Variants in SORCS3 observed in about 807,000 individuals in gnomAD.
SORCS3 encodes the protein sortilin related VPS10 domain containing receptor 3.
In SORCS3, 57 loss-of-function variants were observed where a neutral mutation model predicts 146.3. That is an observed-to-expected ratio of 0.39 (90% CI 0.31 to 0.49). The LOEUF is 0.49. SORCS3 is among the 20% of genes least tolerant of loss of function. The pLI, the probability that SORCS3 is intolerant of heterozygous loss-of-function variation, is 0.92. For missense variants in SORCS3, 1,341 were observed against 1,575.5 expected, an observed-to-expected ratio of 0.85 and a Z score of 2.52; for synonymous variants, 653 against 618.5, an observed-to-expected ratio of 1.06 and a Z score of -0.83.
At chr10:104,735,456 G>GTTTTTTTTTT (rs56203751) in intron 1 of SORCS3, among the ~76,000 whole-genome samples, 541 of 34,952 alleles carry the variant, frequency 0.015, 97 homozygotes, top group African/African-American at 0.023. Flanking sequence ...CTCACCGTCT[G>GTTTTTTTTTT]TTTTTTTTTT....
intron 20 of SORCS3, among the ~76,000 whole-genome samples, chr10:105,241,516 G>C (rs541748251): frequency 1.3e-5 from 2 of 152,328 alleles, no homozygotes; most frequent in Admixed American, 1.3e-4. Context: ...CTGCCACTGC[G>C]AGTAAAGGGC....
rs1290720506 is a variant in SORCS3 at position 105,193,446 on chromosome 10, G to A, written c.2010-6553G>A. Reference sequence around the variant, plus strand: ...CATCTGTTATATGAAAGAAGTACCAGTGCAGACAAAGATGAATGACTGTAA... The same window carrying A: ...CATCTGTTATATGAAAGAAGTACCAATGCAGACAAAGATGAATGACTGTAA... On this transcript the variant is annotated intron_variant, in intron 14 of 26. Transcript: ENST00000369701. Among the ~76,000 whole-genome samples, 4 of 152,280 alleles carry A rather than the reference G, an allele frequency of 2.6e-5. No homozygotes were observed. The East Asian group carries it at 7.7e-4, about 29-fold the overall frequency.
chr10:105,142,380 T>C (rs2056101283), intron 8 of SORCS3, among the ~76,000 whole-genome samples: 1 of 152,170 alleles, frequency 6.6e-6, no homozygotes, highest in Admixed American at 6.5e-5. Flanking sequence ...CAGACGTCTG[T>C]CTTGTTTACC....
intron 5 of SORCS3, among the ~76,000 whole-genome samples, chr10:105,052,350 C>G (rs1456595330): frequency 2.0e-5 from 3 of 152,150 alleles, no homozygotes; most frequent in African/African-American, 7.2e-5. Flanking sequence ...GGCTTTGTGG[C>G]CAGTGATTCC....
At chr10:105,095,751 G>A (rs2055741417) in intron 6 of SORCS3, among the ~76,000 whole-genome samples, 1 of 143,180 alleles carries the variant, frequency 7.0e-6, no homozygotes, top group South Asian at 2.2e-4. Context: ...GTGGAGAGTA[G>A]ACACCTAAAT....
intron 1 of SORCS3, among the ~76,000 whole-genome samples, chr10:104,762,799 C>T (rs908307890): frequency 3.9e-5 from 6 of 152,156 alleles, no homozygotes; most frequent in African/African-American, 1.4e-4. Context: ...TTGTAAGTTT[C>T]CTGAGGCTTC....
chr10:105,089,186 A>G (rs2055684134), intron 5 of SORCS3, among the ~76,000 whole-genome samples: 1 of 152,202 alleles, frequency 6.6e-6, no homozygotes, highest in African/African-American at 2.4e-5. Context: ...CACCAGGAGA[A>G]TTTTGTCCGT....
chr10:104,686,875 G>C (rs1313665258), intron 1 of SORCS3, among the ~76,000 whole-genome samples: 1 of 151,692 alleles, frequency 6.6e-6, no homozygotes, highest in Non-Finnish European at 1.5e-5. Context: ...GCATCCATCT[G>C]TCAGTCCACC....
rs375852917 is a variant in SORCS3, at chr10:105,244,337, C to T, written c.2869-1205C>T. 2.9e-3 allele frequency among the ~76,000 whole-genome samples: 439 copies of T among 151,866 alleles called. 3 individuals are homozygous for T. The highest frequency in any genetic ancestry group is 1.0e-2 in the African/African-American group (413 of 41,408). On this transcript the variant is annotated intron_variant, in intron 20 of 26. Transcript: ENST00000369701. Reference sequence around the variant, plus strand: ...AACAAGGGTTTGAAATGTACAGGTCCACTTATATGTGGGTTGTTTTTTTTC... The same window carrying T: ...AACAAGGGTTTGAAATGTACAGGTCTACTTATATGTGGGTTGTTTTTTTTC...
At chr10:105,206,393 C>T (rs1454572675) in intron 16 of SORCS3, among the ~76,000 whole-genome samples, 1 of 152,104 alleles carries the variant, frequency 6.6e-6, no homozygotes, top group Non-Finnish European at 1.5e-5. Flanking sequence ...AAATATTTCT[C>T]TTATCATAGA....
intron 1 of SORCS3, among the ~76,000 whole-genome samples, chr10:104,831,649 G>A (rs897805419): frequency 2.0e-5 from 3 of 152,180 alleles, no homozygotes; most frequent in African/African-American, 7.2e-5. Context: ...TTTATGAGAC[G>A]GTTTAAGGCA....
intron 2 of SORCS3, among the ~76,000 whole-genome samples, chr10:104,887,962 G>GA (rs1564706316): frequency 7.9e-6 from 1 of 126,428 alleles, no homozygotes; most frequent in Non-Finnish European, 1.6e-5. Flanking sequence ...GTGGGGGCGG[G>GA]GGGGCGGGGG....
At chr10:104,699,241 T>C (rs887013892) in intron 1 of SORCS3, among the ~76,000 whole-genome samples, 2 of 152,180 alleles carry the variant, frequency 1.3e-5, no homozygotes, top group Non-Finnish European at 2.9e-5. Context: ...CTAGTTGTCA[T>C]TGCTATGTCA....
intron 2 of SORCS3, among the ~76,000 whole-genome samples, chr10:104,845,935 C>T (rs75538736): frequency 0.013 from 1,945 of 152,028 alleles, 20 homozygotes; most frequent in Non-Finnish European, 0.02. Flanking sequence ...TGGACCAGGT[C>T]CGGAGGGTGT....
intron 2 of SORCS3, among the ~76,000 whole-genome samples, chr10:104,884,899 C>T (rs1042098626): frequency 3.3e-5 from 5 of 152,054 alleles, no homozygotes; most frequent in East Asian, 1.9e-4. Flanking sequence ...TCCTAGTGGA[C>T]CTGGACTAGT....
At position 104,836,624 on chromosome 10, in the gene SORCS3, G is replaced by A. The variant is rs142083999; in HGVS notation, c.628-6168G>A. ...ATTATTATAATCTTCTATTGTCACC[G>A]CCCTCTTCACTCTTGTAGAGCTTTT... is the stretch of plus-strand genomic sequence containing the variant. On this transcript the variant is annotated intron_variant, in intron 1 of 26. Coordinates refer to ENST00000369701, the MANE Select transcript of SORCS3 (RefSeq NM_014978.3). 1.8e-3 allele frequency among the ~76,000 whole-genome samples: 271 copies of A among 152,092 alleles called. 3 individuals are homozygous for A. Among genetic ancestry groups the A allele is most frequent in the African/African-American group, 6.1e-3 (254 of 41,478 alleles).
chr10:105,129,538 A>G (rs997593021), intron 7 of SORCS3, among the ~76,000 whole-genome samples: 5 of 151,722 alleles, frequency 3.3e-5, no homozygotes, highest in Non-Finnish European at 5.9e-5. Flanking sequence ...ATTAGCTCTT[A>G]TTACATTATT....
Position 104,876,256 on chromosome 10 carries a change from C to T in SORCS3, c.695+33397C>T, listed in dbSNP as rs574238914. Among the ~76,000 whole-genome samples, 14 of 152,262 alleles carry T rather than the reference C, an allele frequency of 9.2e-5. No homozygotes were observed. The East Asian group carries it at 2.1e-3, about 23-fold the overall frequency. On this transcript the variant is annotated intron_variant, in intron 2 of 26. Transcript: ENST00000369701. Reference sequence around the variant, plus strand: ...TTATAGCCGGTTTGTGTTGGATAAACGTGTCATCAGGTGCTAATTACTTGC... The same window carrying T: ...TTATAGCCGGTTTGTGTTGGATAAATGTGTCATCAGGTGCTAATTACTTGC...
chr10:104,767,151 A>G (rs1020706515), intron 1 of SORCS3, among the ~76,000 whole-genome samples: 2 of 152,194 alleles, frequency 1.3e-5, no homozygotes, highest in African/African-American at 4.8e-5. Context: ...GACTCTCAAC[A>G]TCTTGTTTTC....
Sources: gnomAD v4.1 joint callset for allele counts (sites outside exome capture counted in the v4.1 genomes callset) on GRCh38, gnomAD v4.1.1 for gene constraint, MANE v1.5 for transcripts, NCBI Gene and HGNC (gene_info 2026-07-23, HGNC 2026-07-21) for gene names.